FAM117B: variants seen among roughly 807,000 people sequenced by gnomAD.
FAM117B encodes protein FAM117B.
In FAM117B, 22 loss-of-function variants were observed where a neutral mutation model predicts 52.8. The observed-to-expected ratio is 0.42, with a 90% confidence interval of 0.30 to 0.59. The LOEUF (loss-of-function observed/expected upper bound fraction) is 0.59. Among genes scored for constraint, FAM117B ranks in the 20% least tolerant of loss-of-function variants. FAM117B has a pLI of 0.22. For missense variants in FAM117B, 678 were observed against 802.6 expected, an observed-to-expected ratio of 0.84 and a Z score of 1.88; for synonymous variants, 309 against 324.1, an observed-to-expected ratio of 0.95 and a Z score of 0.50.
intron 7 of FAM117B, among the ~76,000 whole-genome samples, chr2:202,760,033 T>C (rs1260749409): frequency 6.6e-6 from 1 of 152,144 alleles, no homozygotes; most frequent in Admixed American, 6.5e-5. Context: ...GCTGAAAGAA[T>C]AGTATAGTGA....
chr2:202,727,039 A>C (rs1337000881), intron 4 of FAM117B, among the ~76,000 whole-genome samples: 1 of 151,556 alleles, frequency 6.6e-6, no homozygotes, highest in Non-Finnish European at 1.5e-5. Context: ...ACTGCTCTTG[A>C]TGGCTCATCC....
intron 2 of FAM117B, among the ~76,000 whole-genome samples, chr2:202,719,190 GT>G (rs1360469325): frequency 6.6e-6 from 1 of 152,146 alleles, no homozygotes; most frequent in Non-Finnish European, 1.5e-5. Flanking sequence ...TAAAACTGAT[GT>G]TTTTGCTAGG....
intron 1 of FAM117B, among the ~76,000 whole-genome samples, chr2:202,643,802 T>C (rs1411398881): frequency 6.6e-6 from 1 of 152,058 alleles, no homozygotes; most frequent in Non-Finnish European, 1.5e-5. Flanking sequence ...CTCTGCCTCT[T>C]GGGTTCAAGC....
chr2:202,714,533 C>CTTTTTTTTTTT (rs1034689626), intron 2 of FAM117B, among the ~76,000 whole-genome samples: 409 of 117,358 alleles, frequency 3.5e-3, no homozygotes, highest in Middle Eastern at 9.6e-3. Flanking sequence ...TTTTTTTTTT[C>CTTTTTTTTTTT]TTTTTTTTTT....
intron 1 of FAM117B, among the ~76,000 whole-genome samples, chr2:202,666,867 G>A (rs372409906): frequency 1.3e-5 from 2 of 151,782 alleles, no homozygotes; most frequent in East Asian, 1.9e-4. Context: ...GGATGGTCTC[G>A]ATCTCCTGAC....
chr2:202,703,710 T>C (rs1333984906), intron 2 of FAM117B, among the ~76,000 whole-genome samples: 1 of 152,258 alleles, frequency 6.6e-6, no homozygotes, highest in Non-Finnish European at 1.5e-5. Flanking sequence ...ACATTTTGTT[T>C]ACCTGTTAAT....
rs148629650 is a variant in FAM117B, at chr2:202,721,616, A to G, written c.754-3301A>G. Reference sequence around the variant, plus strand: ...TACTAACTCCTTTAATTACCTTATAATTTTAGTATGTAGATGACATTATTC... The same window carrying G: ...TACTAACTCCTTTAATTACCTTATAGTTTTAGTATGTAGATGACATTATTC... On this transcript the variant is annotated intron_variant, in intron 2 of 7. Coordinates refer to ENST00000392238, the MANE Select transcript of FAM117B (RefSeq NM_173511.4). 9.1e-3 allele frequency among the ~76,000 whole-genome samples: 1,385 copies of G among 152,160 alleles called. 7 individuals carry two copies. The highest frequency in any genetic ancestry group is 0.013 in the Non-Finnish European group (867 of 67,974).
intron 1 of FAM117B, among the ~76,000 whole-genome samples, chr2:202,685,108 G>A (rs1464841936): frequency 6.6e-6 from 1 of 151,732 alleles, no homozygotes. Context: ...TCAGCCTCCC[G>A]AGTAGCTGGG....
chr2:202,724,126 C>T (rs1310287183), intron 2 of FAM117B, among the ~76,000 whole-genome samples: 4 of 130,862 alleles, frequency 3.1e-5, no homozygotes, highest in African/African-American at 5.9e-5. Context: ...GGCACGATCT[C>T]GGCTCACTGC....
intron 1 of FAM117B, 116 bp downstream of exon 1, chr2:202,635,904 G>C: frequency 8.7e-7 from 1 of 1,148,872 alleles, no homozygotes; most frequent in Non-Finnish European, 1.1e-6. Context: ...GGCTGGGGGC[G>C]GGGCTGGGGG....
Position 202,765,974 on chromosome 2 carries a change from A to C in FAM117B, c.*210A>C. 1.8e-6 allele frequency: 1 copy of C among 571,210 alleles called. No individual in the cohort carries two copies. The allele number at this position is 571,210 out of a possible 1,614,324, so 35.4% of individuals were successfully genotyped here. A position where few individuals can be genotyped will look rare whatever the true frequency, so the allele number is the denominator to read the frequency against. On this transcript the variant is annotated 3_prime_UTR_variant, in exon 8 of 8. Coordinates refer to ENST00000392238, the MANE Select transcript of FAM117B (RefSeq NM_173511.4). The stretch of plus-strand genomic sequence containing the variant: ...CTCAGTGCTTAGCCTGCTTTTTATC[A>C]AAGCACTGATTGAAACAAGAAAGGT...
In FAM117B at chr2:202,646,691, T is replaced by A. The variant is rs116697163; in HGVS notation, c.601+10903T>A. 8.5e-3 allele frequency among the ~76,000 whole-genome samples: 1,293 copies of A among 152,318 alleles called. 25 individuals are homozygous for A. The highest frequency in any genetic ancestry group is 0.029 in the African/African-American group (1,222 of 41,576). On this transcript the variant is annotated intron_variant, in intron 1 of 7. Transcript: ENST00000392238. The stretch of plus-strand genomic sequence containing the variant: ...TGAGTACGAGTGGTTTCTCTATGAA[T>A]CTGTTTATTTGACCATCTTATTAGC...
At chr2:202,741,610 T>C (rs1358660730) in intron 4 of FAM117B, among the ~76,000 whole-genome samples, 3 of 151,434 alleles carry the variant, frequency 2.0e-5, no homozygotes, top group Non-Finnish European at 4.4e-5. Flanking sequence ...GATCTCGGCT[T>C]ACTGCAAGCT....
intron 2 of FAM117B, among the ~76,000 whole-genome samples, chr2:202,700,740 G>A (rs1027713175): frequency 2.0e-5 from 3 of 149,518 alleles, no homozygotes; most frequent in Non-Finnish European, 2.9e-5. Flanking sequence ...AGGCTGGAGT[G>A]CAGTAATGCA....
intron 2 of FAM117B, among the ~76,000 whole-genome samples, chr2:202,720,895 A>G (rs1323323260): frequency 6.6e-6 from 1 of 152,178 alleles, no homozygotes; most frequent in Non-Finnish European, 1.5e-5. Flanking sequence ...ACTTCCATTG[A>G]TGATCCTTGC....
At chr2:202,641,641 C>CTTTTTT (rs36085021) in intron 1 of FAM117B, among the ~76,000 whole-genome samples, 1 of 140,204 alleles carries the variant, frequency 7.1e-6, no homozygotes, top group Non-Finnish European at 1.6e-5. Context: ...ATTTTATTTT[C>CTTTTTT]TTTTTTTTTT....
At position 202,769,241 on chromosome 2, in the gene FAM117B, T is replaced by C. The variant is rs941107740; in HGVS notation, c.*3477T>C. 26 of 152,412 alleles carry C rather than the reference T, an allele frequency of 1.7e-4. No individual in the cohort carries two copies. Among genetic ancestry groups the C allele is most frequent in the Admixed American group, 1.0e-3 (16 of 15,272 alleles). 9.4% of individuals were successfully genotyped at this position (152,412 alleles called of 1,614,324 possible). A position where few individuals can be genotyped will look rare whatever the true frequency, so the allele number is the denominator to read the frequency against. On this transcript the variant is annotated 3_prime_UTR_variant, in exon 8 of 8. Transcript: ENST00000392238. The stretch of plus-strand genomic sequence containing the variant: ...AGAAAGTGTAAAAAAAGTCAGAATT[T>C]ATAGCTTTCACTATGTCCAAGACTA...
At chr2:202,704,710 G>C (rs1690847270) in intron 2 of FAM117B, among the ~76,000 whole-genome samples, 1 of 152,070 alleles carries the variant, frequency 6.6e-6, no homozygotes, top group Non-Finnish European at 1.5e-5. Flanking sequence ...TCTTGCCTCA[G>C]CCTCCTGAGT....
intron 1 of FAM117B, among the ~76,000 whole-genome samples, chr2:202,651,376 C>T (rs13383633): frequency 0.56 from 82,721 of 146,640 alleles, 23,598 homozygotes; most frequent in African/African-American, 0.67. Flanking sequence ...TTTACCATTC[C>T]TTTTTTTTTT....
Sources: gnomAD v4.1 joint callset for allele counts (sites outside exome capture counted in the v4.1 genomes callset) on GRCh38, gnomAD v4.1.1 for gene constraint, MANE v1.5 for transcripts, NCBI Gene and HGNC (gene_info 2026-07-23, HGNC 2026-07-21) for gene names.